The following ATG7 variants were observed in gnomAD, a reference collection of about 807,000 sequenced individuals.
ATG7 encodes autophagy related 7.
ATG7 carries 70 observed loss-of-function variants against 82.4 expected under a neutral mutation model. That is an observed-to-expected ratio of 0.85 (90% CI 0.70 to 1.04). The LOEUF (loss-of-function observed/expected upper bound fraction) is 1.04, where lower values mean the gene tolerates loss of function less well. Among genes scored for constraint, ATG7 ranks in the 50% least tolerant of loss-of-function variants. The pLI is 0.00. For synonymous variants in ATG7, 287 were observed against 313.0 expected, an observed-to-expected ratio of 0.92 and a Z score of 0.88; for missense variants, 792 against 864.3, an observed-to-expected ratio of 0.92 and a Z score of 1.05.
chr3:11,572,805 C>T, the ATG7 span, among the ~76,000 whole-genome samples: 3 of 152,176 alleles, frequency 2.0e-5, no homozygotes, highest in Non-Finnish European at 4.4e-5. Context: ...CATACGAATA[C>T]ACCACTGCAT....
At chr3:11,327,613 C>T (rs1396177474) in intron 9 of ATG7, among the ~76,000 whole-genome samples, 2 of 152,198 alleles carry the variant, frequency 1.3e-5, no homozygotes, top group Non-Finnish European at 2.9e-5. Flanking sequence ...GTAACTTGCA[C>T]ATTAGAATCA....
At chr3:11,554,290 T>G (rs1575315103) in intron 20 of ATG7, among the ~76,000 whole-genome samples, 2 of 152,344 alleles carry the variant, frequency 1.3e-5, no homozygotes, top group Admixed American at 1.3e-4. Context: ...GAGGGCTTGC[T>G]CTTGAGCCAG....
chr3:11,273,726 A>G (rs185592392), intron 1 of ATG7, among the ~76,000 whole-genome samples: 1 of 152,320 alleles, frequency 6.6e-6, no homozygotes, highest in East Asian at 1.9e-4. Flanking sequence ...TATCAGTAAA[A>G]TAAGAAGAAA....
chr3:11,357,738 C>T (rs1179578222), intron 14 of ATG7, among the ~76,000 whole-genome samples: 4 of 151,966 alleles, frequency 2.6e-5, no homozygotes, highest in African/African-American at 9.7e-5. Context: ...TGGCAGGGTA[C>T]GGTGGCTCAT....
intron 19 of ATG7, among the ~76,000 whole-genome samples, chr3:11,417,856 G>T: frequency 7.1e-6 from 1 of 141,270 alleles, no homozygotes; most frequent in Non-Finnish European, 1.5e-5. Flanking sequence ...CTATCACCCA[G>T]GCTGGAGTGC....
intron 11 of ATG7, among the ~76,000 whole-genome samples, chr3:11,339,213 G>A (rs1177329528): frequency 6.8e-6 from 1 of 148,018 alleles, no homozygotes; most frequent in East Asian, 2.0e-4. Context: ...GGAGAATGGC[G>A]TGAACCCAGG....
chr3:11,309,119 G>C (rs999218386), intron 7 of ATG7, 58 bp downstream of exon 7: 4 of 1,462,726 alleles, frequency 2.7e-6, no homozygotes, highest in Non-Finnish European at 3.8e-6. Flanking sequence ...GCTTAGCCCA[G>C]TGTACCAGTA....
chr3:11,476,734 A>AT (rs901163952), intron 20 of ATG7, among the ~76,000 whole-genome samples: 1 of 151,870 alleles, frequency 6.6e-6, no homozygotes, highest in South Asian at 2.1e-4. Flanking sequence ...CTTCTTTTTC[A>AT]TTTTTTTCCA....
At chr3:11,401,445 A>C (rs1006425480) in intron 19 of ATG7, among the ~76,000 whole-genome samples, 20 of 152,170 alleles carry the variant, frequency 1.3e-4, no homozygotes, top group African/African-American at 4.6e-4. Flanking sequence ...ATCTTCTAAA[A>C]ATTCATTTTA....
At chr3:11,410,784 C>G (rs2080821186) in intron 19 of ATG7, among the ~76,000 whole-genome samples, 1 of 152,194 alleles carries the variant, frequency 6.6e-6, no homozygotes, top group South Asian at 2.1e-4. Flanking sequence ...GTAGCATATA[C>G]TACATTTTGT....
At chr3:11,404,125 ATTTTTTTTTTT>A (rs10591303) in intron 19 of ATG7, among the ~76,000 whole-genome samples, 1 of 76,940 alleles carries the variant, frequency 1.3e-5, no homozygotes, top group Non-Finnish European at 2.3e-5. Context: ...AACCAGCTCA[ATTTTTTTTTTT>A]TTTTTTTTTT....
At chr3:11,447,118 T>G (rs1408607150) in intron 20 of ATG7, among the ~76,000 whole-genome samples, 1 of 152,230 alleles carries the variant, frequency 6.6e-6, no homozygotes, top group Non-Finnish European at 1.5e-5. Context: ...TAGCCATCCA[T>G]ACCCTGGTTA....
At chr3:11,272,813 C>T (rs1312331212) in intron 1 of ATG7, 1 of 152,206 alleles carries the variant, frequency 6.6e-6, no homozygotes. Context: ...CGTTCCTTCC[C>T]CATCTAAGCT....
At chr3:11,511,125 A>G (rs879421978) in intron 20 of ATG7, among the ~76,000 whole-genome samples, 13 of 152,160 alleles carry the variant, frequency 8.5e-5, no homozygotes, top group Non-Finnish European at 1.3e-4. Context: ...CAGTAGCAAG[A>G]TTTATTGCAA....
At chr3:11,355,931 T>A (rs1274527408) in intron 14 of ATG7, among the ~76,000 whole-genome samples, 1 of 152,142 alleles carries the variant, frequency 6.6e-6, no homozygotes, top group Non-Finnish European at 1.5e-5. Context: ...ACAGCCCAAA[T>A]CACCATCAAC....
At chr3:11,311,644 G>T (rs986825891) in intron 7 of ATG7, among the ~76,000 whole-genome samples, 2 of 149,884 alleles carry the variant, frequency 1.3e-5, no homozygotes, top group Admixed American at 6.6e-5. Flanking sequence ...TCTTCATCTT[G>T]AATTGTTTAA....
chr3:11,315,624 T>G (rs565050891), intron 9 of ATG7, 131 bp downstream of exon 9: 3 of 830,848 alleles, frequency 3.6e-6, no homozygotes, highest in Non-Finnish European at 5.2e-6. Context: ...TTAAGAACAT[T>G]TCCTTATCTC....
At chr3:11,391,947 A>G (rs549767811) in intron 19 of ATG7, among the ~76,000 whole-genome samples, 1 of 93,084 alleles carries the variant, frequency 1.1e-5, no homozygotes, top group Non-Finnish European at 2.1e-5. Flanking sequence ...ATAGAATTCC[A>G]TTGTACTTAT....
chr3:11,492,859 C>T (rs996008480), intron 20 of ATG7, among the ~76,000 whole-genome samples: 1 of 152,270 alleles, frequency 6.6e-6, no homozygotes, highest in Non-Finnish European at 1.5e-5. Flanking sequence ...TTTGTGCAGA[C>T]CCCACGGCAG....
Sources: allele counts gnomAD v4.1 joint callset (sites outside exome capture counted in the v4.1 genomes callset), GRCh38; gene constraint gnomAD v4.1.1; transcripts MANE v1.5; gene names NCBI Gene and HGNC (gene_info 2026-07-23, HGNC 2026-07-21).